Variants in C12orf42 observed in about 807,000 individuals in gnomAD.
C12orf42 encodes the protein chromosome 12 open reading frame 42, also known as uncharacterized protein C12orf42.
Under a neutral mutation model 21.6 loss-of-function variants are expected in C12orf42, and 25 were observed. That is an observed-to-expected ratio of 1.16 (90% CI 0.84 to 1.62). The LOEUF is 1.62. Ranked by LOEUF, C12orf42 falls within the 40% of genes most tolerant of loss-of-function variation. C12orf42 has a pLI of 0.00. For missense variants in C12orf42, 483 were observed against 459.3 expected, an observed-to-expected ratio of 1.05 and a Z score of -0.47; for synonymous variants, 174 against 175.0, an observed-to-expected ratio of 0.99 and a Z score of 0.05.
the C12orf42 span, among the ~76,000 whole-genome samples, chr12:103,185,884 T>C: frequency 0.011 from 1,663 of 152,298 alleles, 27 homozygotes; most frequent in African/African-American, 0.037. Context: ...TCTTTCCAGT[T>C]TCGGGTATGT....
the C12orf42 span, among the ~76,000 whole-genome samples, chr12:103,545,387 C>A: frequency 1.3e-5 from 2 of 151,876 alleles, no homozygotes; most frequent in African/African-American, 4.8e-5. Context: ...ATATAAAAAA[C>A]ATTTAAATAT....
At chr12:103,102,682 T>C in the C12orf42 span, among the ~76,000 whole-genome samples, 12 of 152,362 alleles carry the variant, frequency 7.9e-5, no homozygotes, top group African/African-American at 2.9e-4. Flanking sequence ...TATTGCAATG[T>C]ATAAAGTTAG....
chr12:103,478,164 A>C lies in C12orf42; in HGVS notation c.78+185T>G, dbSNP rs915341943. 4 of 512,852 alleles carry C rather than the reference A, an allele frequency of 7.8e-6. No individual in the cohort carries two copies. The Admixed American group carries it at 1.6e-4, about 21-fold the overall frequency. The allele number at this position is 512,852 out of a possible 1,614,324, so 31.8% of individuals were successfully genotyped here. On this transcript the variant is annotated intron_variant, in intron 2 of 5. Transcript: ENST00000548883. ...CCTAATAGTGGGAAAAAAATAATTT[A>C]TGAAGGCATTTAAAATTATGCTATA...
At chr12:103,414,805 C>G (rs2049160219) in intron 2 of C12orf42, among the ~76,000 whole-genome samples, 1 of 152,138 alleles carries the variant, frequency 6.6e-6, no homozygotes, top group African/African-American at 2.4e-5. Flanking sequence ...CAGAGTCGTT[C>G]TAGACTCAGA....
upstream of C12orf42, among the ~76,000 whole-genome samples, chr12:103,497,540 C>T (rs1201600058): frequency 1.3e-5 from 2 of 152,190 alleles, no homozygotes; most frequent in Non-Finnish European, 2.9e-5. Context: ...AGAGGTGCAG[C>T]TTTGCACACC....
the C12orf42 span, among the ~76,000 whole-genome samples, chr12:103,213,937 G>A: frequency 6.6e-6 from 1 of 152,180 alleles, no homozygotes; most frequent in Admixed American, 6.5e-5. Flanking sequence ...CATGAGCTGA[G>A]AAAAAGTGGA....
chr12:103,325,853 C>A (rs766825364), intron 4 of C12orf42, among the ~76,000 whole-genome samples: 3 of 152,056 alleles, frequency 2.0e-5, no homozygotes, highest in Non-Finnish European at 4.4e-5. Context: ...CCTATGACAA[C>A]TTAAAGCATG....
chr12:103,084,566 A>G, the C12orf42 span, among the ~76,000 whole-genome samples: 1 of 152,196 alleles, frequency 6.6e-6, no homozygotes, highest in African/African-American at 2.4e-5. Flanking sequence ...AAATAGCTAT[A>G]TAAATAATAA....
chr12:103,115,149 A>G, the C12orf42 span, among the ~76,000 whole-genome samples: 21 of 152,196 alleles, frequency 1.4e-4, no homozygotes, highest in South Asian at 2.7e-3. Context: ...AATATTTTCA[A>G]AATTAATCTC....
chr12:103,096,188 C>G, the C12orf42 span, among the ~76,000 whole-genome samples: 5 of 152,112 alleles, frequency 3.3e-5, no homozygotes, highest in African/African-American at 1.2e-4. Context: ...CAGGTGCCAT[C>G]TGAAAGTGAA....
the C12orf42 span, among the ~76,000 whole-genome samples, chr12:103,547,541 C>T: frequency 6.6e-6 from 1 of 152,176 alleles, no homozygotes; most frequent in East Asian, 1.9e-4. Context: ...ATTGAACCAA[C>T]CCCTGAGGGA....
At chr12:103,095,193 T>A in the C12orf42 span, among the ~76,000 whole-genome samples, 53 of 152,242 alleles carry the variant, frequency 3.5e-4, no homozygotes, top group South Asian at 8.1e-3. Flanking sequence ...GCTGAAGTGA[T>A]CCCATTAAAT....
Position 103,401,606 on chromosome 12 carries a change from C to G in C12orf42, c.147+1G>C, listed in dbSNP as rs1328850914. 4.3e-6 allele frequency: 7 copies of G among 1,613,798 alleles called. No individual in the cohort carries two copies. The Admixed American group carries it at 1.2e-4, about 27-fold the overall frequency. On this transcript the variant is annotated splice_donor_variant, in intron 3 of 5. Coordinates refer to ENST00000548883, the MANE Select transcript of C12orf42 (RefSeq NM_198521.5). LOFTEE classifies it high-confidence loss of function. ...CTGCACATAACATTCCGCTGACTCACCTTTGCACTGGGTGTGCTTCTATCC... is the reference window on the plus strand; with the variant it reads ...CTGCACATAACATTCCGCTGACTCAGCTTTGCACTGGGTGTGCTTCTATCC...
chr12:103,464,458 G>A (rs1055711429), intron 2 of C12orf42, among the ~76,000 whole-genome samples: 10 of 150,688 alleles, frequency 6.6e-5, no homozygotes, highest in Non-Finnish European at 1.3e-4. Context: ...ATAGATTCTG[G>A]ATATTAGACC....
chr12:103,468,305 T>C (rs2137815573), intron 2 of C12orf42, among the ~76,000 whole-genome samples: 1 of 152,346 alleles, frequency 6.6e-6, no homozygotes, highest in African/African-American at 2.4e-5. Context: ...TACATAGTTT[T>C]CACCCTAATA....
At chr12:103,236,726 G>T (rs2033478828), downstream of C12orf42, among the ~76,000 whole-genome samples, 1 of 151,952 alleles carries the variant, frequency 6.6e-6, no homozygotes, top group Non-Finnish European at 1.5e-5. Flanking sequence ...TAAAAAAAAA[G>T]TAAAGTGGTC....
At chr12:103,544,974 G>A in the C12orf42 span, among the ~76,000 whole-genome samples, 3 of 152,028 alleles carry the variant, frequency 2.0e-5, no homozygotes, top group Non-Finnish European at 4.4e-5. Context: ...CACTTTGAAT[G>A]GAATCCAGTT....
At chr12:103,108,913 C>T in the C12orf42 span, among the ~76,000 whole-genome samples, 12 of 151,994 alleles carry the variant, frequency 7.9e-5, no homozygotes, top group African/African-American at 7.2e-5. Flanking sequence ...AAGCTCCTAT[C>T]GATAAAATTA....
intron 1 of C12orf42, among the ~76,000 whole-genome samples, chr12:103,495,116 T>C (rs1026533050): frequency 6.6e-6 from 1 of 151,402 alleles, no homozygotes; most frequent in African/African-American, 2.4e-5. Flanking sequence ...CAATATTAAA[T>C]GCCAGCAGGG....
Sources: allele counts gnomAD v4.1 joint callset (sites outside exome capture counted in the v4.1 genomes callset), GRCh38; gene constraint gnomAD v4.1.1; transcripts MANE v1.5; gene names NCBI Gene and HGNC (gene_info 2026-07-23, HGNC 2026-07-21).